Variants in ADCY9 observed in about 807,000 individuals in gnomAD.
ADCY9 encodes adenylate cyclase 9.
ADCY9 carries 50 observed loss-of-function variants against 101.5 expected under a neutral mutation model. That is an observed-to-expected ratio of 0.49 (90% CI 0.39 to 0.62). The LOEUF (loss-of-function observed/expected upper bound fraction) is 0.62. ADCY9 is among the 20% of genes least tolerant of loss of function. The pLI is 0.00. For synonymous variants in ADCY9, 905 were observed against 769.3 expected (o/e 1.18, Z -2.92); for missense variants, 1,662 against 1,800.4 (o/e 0.92, Z 1.39).
At position 4,115,448 on chromosome 16, in the gene ADCY9, C is replaced by T. The variant is rs748972490; in HGVS notation, c.-6G>A. ...TGGTGGGGTGGGGAAGCCATGTTGTCGAGTCCCGGGGCCTGCCCCGGCCGG... is the reference window on the plus strand; with the variant it reads ...TGGTGGGGTGGGGAAGCCATGTTGTTGAGTCCCGGGGCCTGCCCCGGCCGG... On this transcript the variant is annotated 5_prime_UTR_variant, in exon 2 of 11. Transcript: ENST00000294016. This position sits in a 1 kb window ranked among gnomAD's most constrained non-coding sequence, Gnocchi z 6.2. 2.6e-6 allele frequency: 4 copies of T among 1,535,944 alleles called. 1 individual carries two copies. In the African/African-American group the frequency reaches 5.5e-5, roughly 21 times the overall value.
intron 2 of ADCY9, among the ~76,000 whole-genome samples, chr16:4,029,934 C>T (rs567750606): frequency 1.3e-5 from 2 of 152,216 alleles, no homozygotes; most frequent in South Asian, 2.1e-4. Flanking sequence ...ATGAAAATTA[C>T]CAAAAGAAAC....
In ADCY9 at chr16:4,068,630, C is replaced by T. The variant is rs537744691; in HGVS notation, c.1693+45120G>A. Among the ~76,000 whole-genome samples the T allele has an allele frequency of 1.6e-3, 248 of 151,940 alleles. 1 individual carries two copies. The Middle Eastern group carries it at 0.027, about 17-fold the overall frequency. ...GAGATCGAGACCATCCTGGCTAACA[C>T]GGTGAAACCCCGTCTCTACTAAAAA... is the stretch of plus-strand genomic sequence containing the variant. On this transcript the variant is annotated intron_variant, in intron 2 of 10. Transcript: ENST00000294016.
At position 4,034,775 on chromosome 16, in the gene ADCY9, G is replaced by A. The variant is rs115727268; in HGVS notation, c.1694-27217C>T. 9.3e-3 allele frequency among the ~76,000 whole-genome samples: 1,419 copies of A among 151,960 alleles called. 25 individuals are homozygous for A. Among genetic ancestry groups the A allele is most frequent in the African/African-American group, 0.033 (1,349 of 41,300 alleles). On this transcript the variant is annotated intron_variant, in intron 2 of 10. Transcript: ENST00000294016. ...ATCCGTTGGCACCCCATGGAATGAA[G>A]AAGGAGACTGAAGTGATAACATAAG...
chr16:4,112,264 AGT>A (rs2057118610), intron 2 of ADCY9, among the ~76,000 whole-genome samples: 1 of 152,224 alleles, frequency 6.6e-6, no homozygotes. Context: ...GTGAACAGAA[AGT>A]GTAGTTTCTG....
intron 2 of ADCY9, among the ~76,000 whole-genome samples, chr16:4,083,376 G>A (rs1281961388): frequency 1.3e-5 from 2 of 152,122 alleles, no homozygotes; most frequent in Non-Finnish European, 2.9e-5. Flanking sequence ...TTATGGAGAC[G>A]TGGGGAAATC....
Position 4,007,507 on chromosome 16 carries a change from C to T in ADCY9, c.1745G>A (p.Ser582Asn). 3 of 1,613,864 alleles carry T rather than the reference C, an allele frequency of 1.9e-6. No homozygotes were observed. Among genetic ancestry groups the T allele is most frequent in the Non-Finnish European group, 2.5e-6 (3 of 1,179,952 alleles). ...SGQRAKESRC[S>N]CAEALLSGFE... ...GCCAGAAAGCAAGGCCTCTGCACAG[C>T]TGCAGCGAGACTCCTTGGCTCTCTG... The change falls in exon 3 of 11, where the codon AGC (serine) becomes AAC (asparagine). Residue 582 changes from serine to asparagine, a missense_variant. Transcript: ENST00000294016.
chr16:4,072,007 G>C (rs914823646), intron 2 of ADCY9, among the ~76,000 whole-genome samples: 1 of 152,134 alleles, frequency 6.6e-6, no homozygotes, highest in Non-Finnish European at 1.5e-5. Context: ...CTATCCGAGT[G>C]ATCGATGTTA....
At chr16:4,033,036 G>C (rs2056566787) in intron 2 of ADCY9, 1 of 152,314 alleles carries the variant, frequency 6.6e-6, no homozygotes, top group Non-Finnish European at 1.5e-5. Flanking sequence ...GCTGCTAAAT[G>C]CTCTCACCAT....
At chr16:4,073,398 CT>C (rs35147648) in intron 2 of ADCY9, among the ~76,000 whole-genome samples, 268 of 141,356 alleles carry the variant, frequency 1.9e-3, no homozygotes, top group Middle Eastern at 3.8e-3. Flanking sequence ...TCTTTAAAAA[CT>C]TTTTTTTTTT....
chr16:3,986,118 C>G (rs1430807465), intron 6 of ADCY9, among the ~76,000 whole-genome samples: 1 of 152,266 alleles, frequency 6.6e-6, no homozygotes, highest in Non-Finnish European at 1.5e-5. Context: ...GCCGGGCTGT[C>G]TGGGCTCAAG....
downstream of ADCY9, among the ~76,000 whole-genome samples, chr16:3,961,945 G>A (rs1005936906): frequency 1.3e-5 from 2 of 152,054 alleles, no homozygotes; most frequent in African/African-American, 2.4e-5. Flanking sequence ...AGAATTGATT[G>A]AACCCAGGAG....
At chr16:4,044,954 G>T (rs917459650) in intron 2 of ADCY9, among the ~76,000 whole-genome samples, 2 of 152,100 alleles carry the variant, frequency 1.3e-5, no homozygotes, top group Admixed American at 1.3e-4. Flanking sequence ...AACTCTTTAC[G>T]AGATGAGGCT....
chr16:4,113,752 T>C lies in ADCY9; in HGVS notation c.1691A>G (p.Lys564Arg). The part of the protein sequence containing the change: ...LGQSVVADQL[K>R]GLKTYLISGQ... Reference sequence around the variant, plus strand: ...CCGAGGTAAAGCAGTGCACATACCTTTCAACTGGTCAGCAACCACGCTCTG... The same window carrying C: ...CCGAGGTAAAGCAGTGCACATACCTCTCAACTGGTCAGCAACCACGCTCTG... Residue 564 changes from lysine (K) to arginine (R), a missense_variant and splice_region_variant, in exon 2 of 11, where the codon AAA (lysine) becomes AGA (arginine). Physicochemically the swap from Lys to Arg is conservative, Grantham distance 26. This residue lies in a region of ADCY9 where 624 missense variants were observed against 639.1 expected (regional missense o/e 0.98). Transcript: ENST00000294016. 1 of 1,611,702 alleles carries C rather than the reference T, an allele frequency of 6.2e-7. No homozygotes were observed. Among genetic ancestry groups the C allele is most frequent in the Non-Finnish European group, 8.5e-7 (1 of 1,178,248 alleles).
chr16:3,967,451 C>T (rs940684545), intron 10 of ADCY9, among the ~76,000 whole-genome samples: 5 of 151,596 alleles, frequency 3.3e-5, no homozygotes, highest in African/African-American at 1.2e-4. Context: ...AGTGCAATGG[C>T]ACAATCATGG....
chr16:4,052,278 T>A (rs1007519073), intron 2 of ADCY9, among the ~76,000 whole-genome samples: 1 of 152,202 alleles, frequency 6.6e-6, no homozygotes, highest in African/African-American at 2.4e-5. Context: ...GCGCCTGTGG[T>A]CCTGGGCGGG....
intron 5 of ADCY9, among the ~76,000 whole-genome samples, chr16:3,990,098 G>A (rs1243348176): frequency 3.3e-5 from 5 of 152,128 alleles, no homozygotes; most frequent in African/African-American, 1.2e-4. Context: ...GAAACTAAGG[G>A]AACGTTAACA....
At chr16:4,070,592 G>T (rs2056827970) in intron 2 of ADCY9, among the ~76,000 whole-genome samples, 1 of 152,128 alleles carries the variant, frequency 6.6e-6, no homozygotes, top group Non-Finnish European at 1.5e-5. Flanking sequence ...AAGGCAGGAG[G>T]ATCGCTTGAG....
At chr16:3,958,791 C>G, downstream of ADCY9, among the ~76,000 whole-genome samples, 1 of 150,172 alleles carries the variant, frequency 6.7e-6, no homozygotes, top group Non-Finnish European at 1.5e-5. Context: ...CGTGCCTTAG[C>G]CTCCAAGTAG....
intron 2 of ADCY9, among the ~76,000 whole-genome samples, chr16:4,093,658 G>A (rs1416945301): frequency 2.0e-5 from 3 of 152,190 alleles, no homozygotes; most frequent in Admixed American, 6.5e-5. Context: ...TCAGGAGGCT[G>A]AAGCTGGAGA....
Sources: allele counts gnomAD v4.1 joint callset (sites outside exome capture counted in the v4.1 genomes callset), GRCh38; gene constraint gnomAD v4.1.1; regional missense constraint gnomAD v4.1.1; non-coding constraint Gnocchi (gnomAD v3.1); transcripts MANE v1.5; gene names NCBI Gene and HGNC (gene_info 2026-07-23, HGNC 2026-07-21).